The following DPYSL3 variants were observed in gnomAD, a reference collection of about 807,000 sequenced individuals.
The protein encoded by DPYSL3 is dihydropyrimidinase-related protein 3.
In DPYSL3, 16 loss-of-function variants were observed where a neutral mutation model predicts 66.1. The ratio of observed to expected loss-of-function variants is 0.24; its 90% CI spans 0.16 to 0.37. The LOEUF (loss-of-function observed/expected upper bound fraction) is 0.37, where lower values mean the gene tolerates loss of function less well. Ranked by LOEUF, DPYSL3 falls within the 10% of genes least tolerant of loss-of-function variation. The pLI is 1.00. For missense variants in DPYSL3, 738 were observed against 916.2 expected, an observed-to-expected ratio of 0.81 and a Z score of 2.51; for synonymous variants, 338 against 345.1, an observed-to-expected ratio of 0.98 and a Z score of 0.23.
chr5:147,447,894 T>C (rs1016202987), intron 1 of DPYSL3, among the ~76,000 whole-genome samples: 5 of 152,128 alleles, frequency 3.3e-5, no homozygotes, highest in Non-Finnish European at 7.4e-5. Flanking sequence ...GGTAATGACA[T>C]ATTCAAATTT....
At chr5:147,402,548 C>T (rs1278280569) in intron 8 of DPYSL3, among the ~76,000 whole-genome samples, 1 of 148,366 alleles carries the variant, frequency 6.7e-6, no homozygotes, top group African/African-American at 2.6e-5. Flanking sequence ...GGGGTTTCAC[C>T]GTGTTAGCCA....
chr5:147,437,523 G>A (rs60658825), intron 1 of DPYSL3, among the ~76,000 whole-genome samples: 3,785 of 152,290 alleles, frequency 0.025, 145 homozygotes, highest in African/African-American at 0.085. Flanking sequence ...AAAACTGTCC[G>A]TGGTGTGCAA....
At chr5:147,491,383 A>C (rs185913316) in intron 1 of DPYSL3, among the ~76,000 whole-genome samples, 1 of 152,332 alleles carries the variant, frequency 6.6e-6, no homozygotes, top group East Asian at 1.9e-4. Flanking sequence ...TCCACCGCTC[A>C]ACAAAAAATT....
At chr5:147,435,427 A>G (rs959028751) in intron 1 of DPYSL3, among the ~76,000 whole-genome samples, 1 of 152,192 alleles carries the variant, frequency 6.6e-6, no homozygotes, top group African/African-American at 2.4e-5. Context: ...AGGTTAGCTC[A>G]TGGTCCAATA....
At chr5:147,447,523 T>G (rs922921986) in intron 1 of DPYSL3, among the ~76,000 whole-genome samples, 2 of 152,182 alleles carry the variant, frequency 1.3e-5, no homozygotes, top group African/African-American at 4.8e-5. Context: ...AAAGGCAAAG[T>G]TGAGCATTGA....
intron 1 of DPYSL3, among the ~76,000 whole-genome samples, chr5:147,445,892 G>A (rs1332004882): frequency 6.6e-6 from 1 of 152,076 alleles, no homozygotes; most frequent in Non-Finnish European, 1.5e-5. Flanking sequence ...GCTCTACTAG[G>A]CAGAGGATCT....
chr5:147,395,359 T>C (rs371037318), intron 13 of DPYSL3, among the ~76,000 whole-genome samples, 200 bp downstream of exon 13: 81 of 152,288 alleles, frequency 5.3e-4, no homozygotes, highest in African/African-American at 1.9e-3. Flanking sequence ...CCTGACTGCC[T>C]TGTCTTACTT....
At position 147,441,900 on chromosome 5, in the gene DPYSL3, T is replaced by C. The variant is rs562776273; in HGVS notation, c.382-16937A>G. ...AAACAAACAGAACATACCTTCTTTG[T>C]GGAATAAACCCAGGATGAAGTCCCT... On this transcript the variant is annotated intron_variant, in intron 1 of 13. Coordinates refer to ENST00000343218, the MANE Select transcript of DPYSL3 (RefSeq NM_001197294.2). Among the ~76,000 whole-genome samples the C allele has an allele frequency of 2.2e-4, 33 of 152,310 alleles. 1 individual carries two copies. In the South Asian group the frequency reaches 5.0e-3, roughly 23 times the overall value.
chr5:147,400,602 G>C (rs752014630), intron 10 of DPYSL3, 90 bp downstream of exon 10: 108 of 1,510,660 alleles, frequency 7.1e-5, no homozygotes, highest in Non-Finnish European at 8.9e-5. Context: ...TGCACTCGCA[G>C]TGTCACCAGC....
intron 1 of DPYSL3, among the ~76,000 whole-genome samples, chr5:147,445,474 G>C (rs1475952461): frequency 6.6e-6 from 1 of 152,210 alleles, no homozygotes; most frequent in Admixed American, 6.5e-5. Flanking sequence ...AATCATTCCT[G>C]TAGGTAAGTG....
chr5:147,439,452 G>A (rs1438730448), intron 1 of DPYSL3, among the ~76,000 whole-genome samples: 2 of 152,162 alleles, frequency 1.3e-5, no homozygotes, highest in South Asian at 4.1e-4. Flanking sequence ...GGCTGATGCT[G>A]AGTCACTGAC....
At chr5:147,430,561 G>A (rs1561785196) in intron 1 of DPYSL3, among the ~76,000 whole-genome samples, 1 of 150,424 alleles carries the variant, frequency 6.6e-6, no homozygotes, top group Non-Finnish European at 1.5e-5. Context: ...AGGAAGGAAA[G>A]GAGGGAGAAA....
At chr5:147,491,346 T>C (rs148732236) in intron 1 of DPYSL3, among the ~76,000 whole-genome samples, 1 of 152,288 alleles carries the variant, frequency 6.6e-6, no homozygotes, top group East Asian at 1.9e-4. Context: ...GCCTATTTAC[T>C]AGAGTTCCTT....
chr5:147,423,047 G>T (rs1752116251), intron 2 of DPYSL3, among the ~76,000 whole-genome samples: 1 of 152,148 alleles, frequency 6.6e-6, no homozygotes, highest in Non-Finnish European at 1.5e-5. Flanking sequence ...TGCTGCCTAT[G>T]ATGAGCTCTG....
chr5:147,474,546 G>C (rs750380283), intron 1 of DPYSL3, among the ~76,000 whole-genome samples: 3 of 152,026 alleles, frequency 2.0e-5, no homozygotes, highest in Non-Finnish European at 4.4e-5. Flanking sequence ...GCAGTCTTGT[G>C]CCAGAACTTC....
intron 2 of DPYSL3, among the ~76,000 whole-genome samples, chr5:147,422,222 T>C (rs1023148462): frequency 2.6e-5 from 4 of 152,136 alleles, no homozygotes; most frequent in African/African-American, 9.7e-5. Flanking sequence ...AAAGAAGACA[T>C]TCATGTGGCC....
chr5:147,465,457 G>A (rs1422756026), intron 1 of DPYSL3, among the ~76,000 whole-genome samples: 4 of 151,988 alleles, frequency 2.6e-5, no homozygotes, highest in Non-Finnish European at 4.4e-5. Flanking sequence ...CTGCCGCCAC[G>A]CCTGGCTAAT....
At chr5:147,452,592 T>TG (rs1752752967) in intron 1 of DPYSL3, among the ~76,000 whole-genome samples, 1 of 152,182 alleles carries the variant, frequency 6.6e-6, no homozygotes, top group African/African-American at 2.4e-5. Context: ...GCCTACTATT[T>TG]GGGGGCATCA....
chr5:147,435,379 C>T (rs1183265420), intron 1 of DPYSL3, among the ~76,000 whole-genome samples: 1 of 152,166 alleles, frequency 6.6e-6, no homozygotes, highest in Non-Finnish European at 1.5e-5. Context: ...ATGCTACTGT[C>T]ATTCCTATTG....
Sources: gnomAD v4.1 joint callset for allele counts (sites outside exome capture counted in the v4.1 genomes callset) on GRCh38, gnomAD v4.1.1 for gene constraint, MANE v1.5 for transcripts, NCBI Gene and HGNC (gene_info 2026-07-23, HGNC 2026-07-21) for gene names.